The following PIGN variants were observed in gnomAD, a reference collection of about 807,000 sequenced individuals.
The protein encoded by PIGN is GPI ethanolamine phosphate transferase 1.
Under a neutral mutation model 125.4 loss-of-function variants are expected in PIGN, and 117 were observed. The ratio of observed to expected loss-of-function variants is 0.93; its 90% CI spans 0.80 to 1.09. The LOEUF (loss-of-function observed/expected upper bound fraction) is 1.09, where lower values mean the gene tolerates loss of function less well. PIGN is among the 50% of genes least tolerant of loss of function. The pLI is 0.00. For synonymous variants in PIGN, 392 were observed against 377.8 expected, an observed-to-expected ratio of 1.04 and a Z score of -0.44; for missense variants, 1,075 against 1,094.9, an observed-to-expected ratio of 0.98 and a Z score of 0.26.
chr18:62,162,368 T>C (rs1217762956), intron 2 of PIGN, 39 bp from the exon 3 acceptor site: 2 of 152,100 alleles, frequency 1.3e-5, no homozygotes, highest in African/African-American at 4.8e-5. Flanking sequence ...TTGGAACTTG[T>C]CTTAGTTGTA....
rs752671025 is a variant in PIGN at position 62,106,920 on chromosome 18, C to A, written c.1675-39G>T. 3.2e-6 allele frequency: 5 copies of A among 1,549,534 alleles called. No homozygotes were observed. In the South Asian group the frequency reaches 5.8e-5, roughly 18 times the overall value. On this transcript the variant is annotated intron_variant, in intron 18 of 30. Coordinates refer to ENST00000640252, the MANE Select transcript of PIGN (RefSeq NM_176787.5). ...CCAAAGAAGGAATGAAAAATAAGGT[C>A]ATTTAATACTAGTTACAAATATATA...
At chr18:62,061,140 C>T (rs1324344923) in intron 30 of PIGN, among the ~76,000 whole-genome samples, 1 of 152,180 alleles carries the variant, frequency 6.6e-6, no homozygotes, top group South Asian at 2.1e-4. Flanking sequence ...AAAATCTGCT[C>T]TGAAGATGCA....
intron 30 of PIGN, among the ~76,000 whole-genome samples, chr18:62,063,413 T>C (rs1297899361): frequency 1.0e-5 from 1 of 96,718 alleles, no homozygotes; most frequent in Admixed American, 1.1e-4. Context: ...AGCCAAAATC[T>C]ATGGTTTTAT....
At chr18:62,063,242 A>T (rs2032294592) in intron 30 of PIGN, among the ~76,000 whole-genome samples, 1 of 151,020 alleles carries the variant, frequency 6.6e-6, no homozygotes, top group Admixed American at 6.6e-5. Flanking sequence ...TTTATCCAAA[A>T]TCTATGGTTT....
At chr18:62,146,394 G>A (rs904957217) in intron 9 of PIGN, among the ~76,000 whole-genome samples, 7 of 152,186 alleles carry the variant, frequency 4.6e-5, no homozygotes, top group Non-Finnish European at 1.5e-5. Flanking sequence ...CTTGGGGCAA[G>A]CAGTAGAGAC....
At chr18:62,130,890 A>G (rs1394169171) in intron 14 of PIGN, among the ~76,000 whole-genome samples, 4 of 152,218 alleles carry the variant, frequency 2.6e-5, no homozygotes, top group African/African-American at 9.6e-5. Flanking sequence ...TTATTTCTAG[A>G]ATAATTTTCA....
chr18:62,045,758 T>C lies in PIGN; in HGVS notation c.*98A>G. 2.6e-6 allele frequency: 3 copies of C among 1,171,662 alleles called. No individual in the cohort carries two copies. The highest frequency in any genetic ancestry group is 3.7e-6 in the Non-Finnish European group (3 of 819,740). 72.6% of individuals were successfully genotyped at this position (1,171,662 alleles called of 1,614,324 possible). A position where few individuals can be genotyped will look rare whatever the true frequency, so the allele number is the denominator to read the frequency against. On this transcript the variant is annotated 3_prime_UTR_variant, in exon 31 of 31. Transcript: ENST00000640252. Reference sequence around the variant, plus strand: ...CCATTTTCCTTACAGGAGTAGAATATACTATATATCCATATCCATCTTCTT... The same window carrying C: ...CCATTTTCCTTACAGGAGTAGAATACACTATATATCCATATCCATCTTCTT...
intron 16 of PIGN, chr18:62,112,888 C>T (rs933508953): frequency 2.4e-6 from 1 of 425,456 alleles, no homozygotes. Flanking sequence ...CATAGGAGCA[C>T]TTAAATTACT....
intron 14 of PIGN, among the ~76,000 whole-genome samples, chr18:62,127,942 G>C (rs550095786): frequency 7.3e-4 from 111 of 152,142 alleles, no homozygotes; most frequent in African/African-American, 2.4e-3. Context: ...AATACATGGT[G>C]CTATTTTCCC....
At chr18:62,081,402 G>A (rs2033441215) in intron 28 of PIGN, among the ~76,000 whole-genome samples, 1 of 152,148 alleles carries the variant, frequency 6.6e-6, no homozygotes, top group Non-Finnish European at 1.5e-5. Flanking sequence ...TGGCTTCAAT[G>A]TGTGACATTA....
chr18:62,029,252 C>A (rs964563318), intron 23 of PIGN, among the ~76,000 whole-genome samples: 13 of 152,176 alleles, frequency 8.5e-5, no homozygotes, highest in African/African-American at 3.1e-4. Flanking sequence ...ATAAACTGAT[C>A]CAGAGAACCA....
intron 16 of PIGN, among the ~76,000 whole-genome samples, chr18:62,110,494 T>C (rs1236072432): frequency 6.6e-6 from 1 of 152,134 alleles, no homozygotes. Flanking sequence ...AAACAGAGAA[T>C]TCATCAATCT....
chr18:62,020,960 C>CAAAA (rs35691307), intron 23 of PIGN, among the ~76,000 whole-genome samples: 1 of 113,418 alleles, frequency 8.8e-6, no homozygotes. Flanking sequence ...GACTCTGTCT[C>CAAAA]AAAAAAAAAA....
chr18:62,050,743 T>C (rs1025231200), intron 30 of PIGN, among the ~76,000 whole-genome samples: 1 of 152,166 alleles, frequency 6.6e-6, no homozygotes, highest in African/African-American at 2.4e-5. Flanking sequence ...CTATGTTGAA[T>C]AGGAGTGGTG....
chr18:62,100,954 A>G, intron 22 of PIGN, 121 bp downstream of exon 22: 1 of 674,212 alleles, frequency 1.5e-6, no homozygotes, highest in Non-Finnish European at 2.7e-6. Flanking sequence ...ATAGCCAGTT[A>G]TTATTATTTT....
downstream of PIGN, among the ~76,000 whole-genome samples, chr18:62,037,949 G>T (rs9945382): frequency 0.31 from 47,312 of 151,990 alleles, 8,533 homozygotes; most frequent in East Asian, 0.63. Context: ...TTGTGCTATT[G>T]TTTCTCCAGT....
At chr18:62,032,623 A>C (rs1409457507) in intron 23 of PIGN, among the ~76,000 whole-genome samples, 1 of 152,244 alleles carries the variant, frequency 6.6e-6, no homozygotes, top group Non-Finnish European at 1.5e-5. Flanking sequence ...TATGCTGATG[A>C]CAAGACAAAA....
In PIGN at chr18:62,044,854, C is replaced by T. The variant is rs576886469; in HGVS notation, c.*1002G>A. On this transcript the variant is annotated 3_prime_UTR_variant, in exon 31 of 31. Transcript: ENST00000640252. ...TGTAAAGGTCATTTTATGGATAATC[C>T]ATATAAAAACTGCTCTCAAGATATT... 2 of 152,212 alleles carry T rather than the reference C, an allele frequency of 1.3e-5. No individual in the cohort carries two copies. Among genetic ancestry groups the T allele is most frequent in the Admixed American group, 6.5e-5 (1 of 15,286 alleles). The allele number at this position is 152,212 out of a possible 1,614,324, so 9.4% of individuals were successfully genotyped here. A position where few individuals can be genotyped will look rare whatever the true frequency, so the allele number is the denominator to read the frequency against.
chr18:62,060,646 T>C (rs2032065928), intron 30 of PIGN, among the ~76,000 whole-genome samples: 1 of 152,212 alleles, frequency 6.6e-6, no homozygotes, highest in Non-Finnish European at 1.5e-5. Context: ...TTAGTTGTCA[T>C]TTGTATTTCA....
Sources: gnomAD v4.1 joint callset for allele counts (sites outside exome capture counted in the v4.1 genomes callset) on GRCh38, gnomAD v4.1.1 for gene constraint, MANE v1.5 for transcripts, NCBI Gene and HGNC (gene_info 2026-07-23, HGNC 2026-07-21) for gene names.